Variants in PTPRD observed in about 807,000 individuals in gnomAD.
The protein encoded by PTPRD is protein tyrosine phosphatase receptor type D.
In PTPRD, 34 loss-of-function variants were observed where a neutral mutation model predicts 214.5. The observed-to-expected ratio is 0.16, with a 90% CI of 0.12 to 0.21. The LOEUF is 0.21. Among genes scored for constraint, PTPRD ranks in the 10% least tolerant of loss-of-function variants. The probability of loss-of-function intolerance (pLI) is 1.00; values close to 1 mark genes in which losing one functional copy is unlikely to be tolerated. For synonymous variants in PTPRD, 1,128 were observed against 845.7 expected (o/e 1.33, Z -5.79); for missense variants, 2,545 against 2,398.7 (o/e 1.06, Z -1.27).
At chr9:10,073,950 G>C (rs558155538) in intron 3 of PTPRD, among the ~76,000 whole-genome samples, 2 of 152,122 alleles carry the variant, frequency 1.3e-5, no homozygotes, top group African/African-American at 4.8e-5. Flanking sequence ...AGCATAGCTA[G>C]AAAATTGAAT....
At position 10,523,664 on chromosome 9, in the gene PTPRD, G is replaced by A. The variant is rs555934615; in HGVS notation, c.-600+88734C>T. Among the ~76,000 whole-genome samples, 133 of 141,712 alleles carry A rather than the reference G, an allele frequency of 9.4e-4. 2 individuals carry two copies. Among genetic ancestry groups the A allele is most frequent in the Non-Finnish European group, 4.9e-4 (32 of 64,862 alleles). 93.0% of individuals were successfully genotyped at this position (141,712 alleles called of 152,430 possible). A position where few individuals can be genotyped will look rare whatever the true frequency, so the allele number is the denominator to read the frequency against. On this transcript the variant is annotated intron_variant, in intron 2 of 45. Transcript: ENST00000381196. ...AGAGAGAGAGAGAGAGAGAAATAAA[G>A]AGAGAGAGAGAGAGAGAAAGCGGCT...
intron 36 of PTPRD, among the ~76,000 whole-genome samples, chr9:8,395,991 A>G (rs1226833131): frequency 6.6e-6 from 1 of 152,074 alleles, no homozygotes; most frequent in African/African-American, 2.4e-5. Flanking sequence ...CAGCCACATC[A>G]TGGAGTTGTG....
intron 5 of PTPRD, among the ~76,000 whole-genome samples, chr9:9,830,787 T>G (rs1048379680): frequency 1.3e-5 from 2 of 151,914 alleles, no homozygotes; most frequent in Non-Finnish European, 2.9e-5. Flanking sequence ...TCAAGGCAGG[T>G]CCTTAGCTGT....
chr9:10,496,077 C>T (rs2132968194), intron 2 of PTPRD, among the ~76,000 whole-genome samples: 1 of 151,622 alleles, frequency 6.6e-6, no homozygotes, highest in East Asian at 1.9e-4. Context: ...ATATATATTA[C>T]TATTTCAATA....
chr9:8,671,639 C>T (rs2097288804), intron 12 of PTPRD, among the ~76,000 whole-genome samples: 1 of 152,122 alleles, frequency 6.6e-6, no homozygotes, highest in African/African-American at 2.4e-5. Context: ...TACGGAAATA[C>T]ATTCACTTCC....
At chr9:9,559,360 A>T (rs1332883590) in intron 8 of PTPRD, among the ~76,000 whole-genome samples, 1 of 152,230 alleles carries the variant, frequency 6.6e-6, no homozygotes, top group Non-Finnish European at 1.5e-5. Context: ...ATTAATGAAC[A>T]CTGGCACTTA....
intron 10 of PTPRD, among the ~76,000 whole-genome samples, chr9:9,024,554 G>C (rs2099581027): frequency 6.6e-6 from 1 of 151,698 alleles, no homozygotes; most frequent in East Asian, 1.9e-4. Context: ...CAAGATAGGA[G>C]AGTTCCAACT....
chr9:8,518,795 T>C (rs1327480035), intron 20 of PTPRD, among the ~76,000 whole-genome samples: 1 of 152,204 alleles, frequency 6.6e-6, no homozygotes, highest in East Asian at 1.9e-4. Flanking sequence ...TAACTGTATT[T>C]CATGGGTTTG....
At chr9:10,196,761 C>A (rs1385105541) in intron 3 of PTPRD, among the ~76,000 whole-genome samples, 3 of 152,026 alleles carry the variant, frequency 2.0e-5, no homozygotes, top group Admixed American at 1.3e-4. Context: ...TGTTTGCATA[C>A]CCCCAGAATT....
At chr9:9,598,272 C>G (rs7033262) in intron 7 of PTPRD, among the ~76,000 whole-genome samples, 72,050 of 151,730 alleles carry the variant, frequency 0.47, 17,714 homozygotes, top group Non-Finnish European at 0.51. Flanking sequence ...CCTTTCTTCA[C>G]CCCCTTGGAC....
chr9:9,251,093 G>T (rs1030937719), intron 9 of PTPRD, among the ~76,000 whole-genome samples: 2 of 151,948 alleles, frequency 1.3e-5, no homozygotes, highest in African/African-American at 2.4e-5. Context: ...GAAAATAAAT[G>T]AAAGTCCAGA....
chr9:8,802,852 G>C (rs960359103), intron 11 of PTPRD, among the ~76,000 whole-genome samples: 13 of 152,032 alleles, frequency 8.6e-5, no homozygotes, highest in Admixed American at 7.9e-4. Context: ...AGGAGTTCCA[G>C]AGCAGCCTGG....
chr9:8,768,487 A>C (rs1374471133), intron 11 of PTPRD, among the ~76,000 whole-genome samples: 2 of 152,140 alleles, frequency 1.3e-5, no homozygotes, highest in Admixed American at 1.3e-4. Flanking sequence ...CCAGAGGAGG[A>C]GGCTGCAGTG....
Position 8,401,659 on chromosome 9 carries a change from T to C in PTPRD, c.4210+2878A>G, listed in dbSNP as rs959193480. ...TGCCCACACACAATTCCTGATTCTT[T>C]TAATTTTTCCCTGTTATTCTCTCAG... On this transcript the variant is annotated intron_variant, in intron 36 of 45. Transcript: ENST00000381196. Among the ~76,000 whole-genome samples, 7 of 152,288 alleles carry C rather than the reference T, an allele frequency of 4.6e-5. No homozygotes were observed. In the South Asian group the frequency reaches 1.2e-3, roughly 27 times the overall value.
chr9:9,249,305 C>T (rs1337917251), intron 9 of PTPRD, among the ~76,000 whole-genome samples: 2 of 152,036 alleles, frequency 1.3e-5, no homozygotes, highest in Non-Finnish European at 2.9e-5. Context: ...CAGAATCAGA[C>T]GCTGGTGCCC....
At chr9:10,466,009 T>A (rs966244886) in intron 2 of PTPRD, among the ~76,000 whole-genome samples, 25 of 152,228 alleles carry the variant, frequency 1.6e-4, no homozygotes, top group African/African-American at 6.0e-4. Flanking sequence ...ATTGAAAAAC[T>A]TATGTGGAGA....
intron 44 of PTPRD, among the ~76,000 whole-genome samples, chr9:8,329,671 T>G (rs1587718782): frequency 6.6e-6 from 1 of 152,076 alleles, no homozygotes; most frequent in Non-Finnish European, 1.5e-5. Context: ...TATCTGTAAG[T>G]AAGTCTGTGA....
At chr9:8,612,515 C>T (rs141651913) in intron 14 of PTPRD, among the ~76,000 whole-genome samples, 42 of 152,164 alleles carry the variant, frequency 2.8e-4, no homozygotes, top group Middle Eastern at 6.8e-3. Context: ...AGAAGCAAAT[C>T]GGAAGGTAAG....
chr9:9,089,348 G>C (rs766965190), intron 10 of PTPRD, among the ~76,000 whole-genome samples: 3 of 152,168 alleles, frequency 2.0e-5, no homozygotes, highest in Non-Finnish European at 4.4e-5. Flanking sequence ...TTGATCCAAG[G>C]TCTACAGTTT....
Sources: allele counts gnomAD v4.1 joint callset (sites outside exome capture counted in the v4.1 genomes callset), GRCh38; gene constraint gnomAD v4.1.1; transcripts MANE v1.5; gene names NCBI Gene and HGNC (gene_info 2026-07-23, HGNC 2026-07-21).